CBL: variants seen among roughly 807,000 people sequenced by gnomAD.
The protein encoded by CBL is E3 ubiquitin-protein ligase CBL.
Under a neutral mutation model 96.9 loss-of-function variants are expected in CBL, and 45 were observed. That is an observed-to-expected ratio of 0.46 (90% CI 0.37 to 0.60). The LOEUF (loss-of-function observed/expected upper bound fraction) is 0.60. Ranked by LOEUF, CBL falls within the 20% of genes least tolerant of loss-of-function variation. The pLI is 0.00. For missense variants in CBL, 1,024 were observed against 1,143.5 expected (o/e 0.90, Z 1.51); for synonymous variants, 420 against 426.8 (o/e 0.98, Z 0.20).
Position 119,217,932 on chromosome 11 carries a change from T to C in CBL, c.195+11320T>C, listed in dbSNP as rs148395331. On this transcript the variant is annotated intron_variant, in intron 1 of 15. Transcript: ENST00000264033. The stretch of plus-strand genomic sequence containing the variant: ...ACAAAATAAAAAATAAAAAAATTAG[T>C]TGGCCGTGGTGGTGAGTTCCTTTAG... Among the ~76,000 whole-genome samples the C allele has an allele frequency of 5.4e-3, 817 of 152,100 alleles. 6 individuals are homozygous for C. The highest frequency in any genetic ancestry group is 6.5e-3 in the African/African-American group (270 of 41,508).
rs1478065607 is a variant in CBL at position 119,288,044 on chromosome 11, A to G, written c.2036+98A>G. The G allele has an allele frequency of 1.4e-5, 11 of 798,260 alleles. No individual in the cohort carries two copies. In the South Asian group the frequency reaches 1.6e-4, roughly 12 times the overall value. 49.4% of individuals were successfully genotyped at this position (798,260 alleles called of 1,614,324 possible). The stretch of plus-strand genomic sequence containing the variant: ...AAAACCCAGAAAAGTGTAAAAAAGA[A>G]AATAAAAATCTCTGCACCATGTAGA... On this transcript the variant is annotated intron_variant, in intron 12 of 15. Coordinates refer to ENST00000264033, the MANE Select transcript of CBL (RefSeq NM_005188.4).
At chr11:119,291,654 G>T (rs890994773) in intron 12 of CBL, among the ~76,000 whole-genome samples, 2 of 152,188 alleles carry the variant, frequency 1.3e-5, no homozygotes, top group Non-Finnish European at 2.9e-5. Flanking sequence ...GCTGTAGTGC[G>T]CCATGATTGT....
chr11:119,282,053 T>G (rs1386471473), intron 9 of CBL, among the ~76,000 whole-genome samples: 1 of 152,034 alleles, frequency 6.6e-6, no homozygotes, highest in Admixed American at 6.6e-5. Context: ...AAAAGAATAT[T>G]GCGGCCGGGT....
intron 2 of CBL, among the ~76,000 whole-genome samples, chr11:119,252,289 TCTTAA>T (rs1443981276): frequency 3.9e-5 from 6 of 152,214 alleles, no homozygotes; most frequent in East Asian, 1.9e-4. Flanking sequence ...ATTTAGTGTT[TCTTAA>T]CTTGTTTCCT....
Position 119,305,259 on chromosome 11 carries a change from A to G in CBL, c.*5478A>G. The G allele has an allele frequency of 4.3e-6, 1 of 232,044 alleles. No individual in the cohort carries two copies. Among genetic ancestry groups the G allele is most frequent in the African/African-American group, 2.2e-5 (1 of 45,372 alleles). 14.4% of individuals were successfully genotyped at this position (232,044 alleles called of 1,614,324 possible). On this transcript the variant is annotated 3_prime_UTR_variant, in exon 16 of 16. Coordinates refer to ENST00000264033, the MANE Select transcript of CBL (RefSeq NM_005188.4). ...CTTCCCTTTGTCAGTCTTCGCATCC[A>G]AGATTTCTTCCCTCCCTCTTGTGGG...
rs1213936661 is a variant in CBL, at chr11:119,306,286, A to G, written c.*6505A>G. ...AGCCGACCACTCCCTGTGTTTGTACAGAGCAAAGCCCAAAAGCCAACCTCA... is the reference window on the plus strand; with the variant it reads ...AGCCGACCACTCCCTGTGTTTGTACGGAGCAAAGCCCAAAAGCCAACCTCA... On this transcript the variant is annotated 3_prime_UTR_variant, in exon 16 of 16. Coordinates refer to ENST00000264033, the MANE Select transcript of CBL (RefSeq NM_005188.4). The G allele has an allele frequency of 1.8e-5, 7 of 398,554 alleles. No homozygotes were observed. Among genetic ancestry groups the G allele is most frequent in the Non-Finnish European group, 3.1e-5 (7 of 226,108 alleles). 24.7% of individuals were successfully genotyped at this position (398,554 alleles called of 1,614,324 possible).
intron 1 of CBL, among the ~76,000 whole-genome samples, chr11:119,222,443 G>T (rs1949419021): frequency 6.6e-6 from 1 of 152,206 alleles, no homozygotes; most frequent in South Asian, 2.1e-4. Context: ...AAGCTATTAT[G>T]AATGGAGTGC....
chr11:119,209,037 C>A (rs1464590872), intron 1 of CBL, among the ~76,000 whole-genome samples: 1 of 152,038 alleles, frequency 6.6e-6, no homozygotes, highest in Admixed American at 6.6e-5. Context: ...ACTGTCTGTT[C>A]CCCTCTTATC....
chr11:119,282,207 G>A (rs571024059), intron 9 of CBL, among the ~76,000 whole-genome samples: 33 of 145,140 alleles, frequency 2.3e-4, no homozygotes, highest in African/African-American at 6.3e-4. Flanking sequence ...GCATGGTGGC[G>A]CATGCCTATA....
At chr11:119,277,919 A>G (rs2135303112) in intron 7 of CBL, 75 bp downstream of exon 7, 1 of 1,094,874 alleles carries the variant, frequency 9.1e-7, no homozygotes, top group East Asian at 2.4e-5. Context: ...CTGACAGCAT[A>G]ATTGAATTCA....
In CBL at chr11:119,284,618, G is replaced by T. The variant is rs117045180; in HGVS notation, c.1432-351G>T. Among the ~76,000 whole-genome samples the T allele has an allele frequency of 5.5e-4, 83 of 152,182 alleles. 1 individual carries two copies. In the East Asian group the frequency reaches 0.013, roughly 23 times the overall value. On this transcript the variant is annotated intron_variant, in intron 9 of 15. Coordinates refer to ENST00000264033, the MANE Select transcript of CBL (RefSeq NM_005188.4). ...GGATTCCTATTTTTAATCTTGAAAA[G>T]ATTTTTTTCTTTCTCCAAAGATGAG... is the stretch of plus-strand genomic sequence containing the variant.
At chr11:119,291,680 C>T (rs1404226993) in intron 12 of CBL, among the ~76,000 whole-genome samples, 5 of 152,084 alleles carry the variant, frequency 3.3e-5, no homozygotes, top group South Asian at 2.1e-4. Context: ...TGCACTCCAG[C>T]GTGGGCAACA....
At chr11:119,282,982 C>A (rs1209770431) in intron 9 of CBL, among the ~76,000 whole-genome samples, 4 of 151,884 alleles carry the variant, frequency 2.6e-5, no homozygotes, top group African/African-American at 4.8e-5. Context: ...CTTGTCCCAG[C>A]TACTTGAGAG....
intron 2 of CBL, among the ~76,000 whole-genome samples, chr11:119,249,086 T>C (rs980246724): frequency 2.6e-5 from 4 of 152,210 alleles, no homozygotes; most frequent in South Asian, 2.1e-4. Context: ...GCAGTTCTTC[T>C]AGGTACATAC....
chr11:119,220,006 C>T (rs560705304), intron 1 of CBL, among the ~76,000 whole-genome samples: 10 of 151,908 alleles, frequency 6.6e-5, no homozygotes, highest in Admixed American at 2.0e-4. Context: ...TGCGCCACCA[C>T]GCCCGGCTAA....
intron 1 of CBL, among the ~76,000 whole-genome samples, chr11:119,219,320 G>T (rs79047914): frequency 6.6e-6 from 1 of 151,256 alleles, no homozygotes; most frequent in Admixed American, 6.6e-5. Flanking sequence ...AGAGGTGGCA[G>T]TGAGCCGAGA....
intron 1 of CBL, among the ~76,000 whole-genome samples, chr11:119,224,794 G>A (rs1477770893): frequency 2.0e-5 from 3 of 151,900 alleles, no homozygotes; most frequent in East Asian, 3.9e-4. Flanking sequence ...AAGTGGAAGT[G>A]GATCTTCATC....
chr11:119,207,334 T>C (rs1949279215), intron 1 of CBL, among the ~76,000 whole-genome samples: 1 of 152,180 alleles, frequency 6.6e-6, no homozygotes, highest in Non-Finnish European at 1.5e-5. Flanking sequence ...ACTATTATCT[T>C]CTGAAAGATG....
chr11:119,279,260 T>C (rs1171187130), intron 9 of CBL, among the ~76,000 whole-genome samples: 1 of 151,978 alleles, frequency 6.6e-6, no homozygotes, highest in Non-Finnish European at 1.5e-5. Context: ...CCCAGTACTT[T>C]GGGACGTTGA....
Sources: gnomAD v4.1 joint callset for allele counts (sites outside exome capture counted in the v4.1 genomes callset) on GRCh38, gnomAD v4.1.1 for gene constraint, MANE v1.5 for transcripts, NCBI Gene and HGNC (gene_info 2026-07-23, HGNC 2026-07-21) for gene names.